Variants in EFHC1 observed in about 807,000 individuals in gnomAD.
EFHC1 encodes the protein EF-hand domain-containing protein 1.
EFHC1 carries 53 observed loss-of-function variants against 69.9 expected under a neutral mutation model. The ratio of observed to expected loss-of-function variants is 0.76; its 90% CI spans 0.61 to 0.95. EFHC1 has a LOEUF of 0.95. Among genes scored for constraint, EFHC1 ranks in the 40% least tolerant of loss-of-function variants. EFHC1 has a pLI of 0.00. For missense variants in EFHC1, 739 were observed against 798.7 expected (o/e 0.93, Z 0.90); for synonymous variants, 256 against 278.4 (o/e 0.92, Z 0.80).
intron 3 of EFHC1, among the ~76,000 whole-genome samples, chr6:52,446,821 G>A (rs1764797919): frequency 6.6e-6 from 1 of 152,160 alleles, no homozygotes; most frequent in South Asian, 2.1e-4. Context: ...CACTTATGAA[G>A]CTTAGTTTGG....
Position 52,454,165 on chromosome 6 carries a change from A to G in EFHC1, c.794A>G (p.His265Arg). ...MYGECRTYIIHYYLMDDTVEI... is the reference protein window; with the variant it reads ...MYGECRTYIIRYYLMDDTVEI... The stretch of plus-strand genomic sequence containing the variant: ...GGTGAATGTCGGACCTACATCATTC[A>G]TTACTATCTTATGGATGATACGGTG... Residue 265 changes from histidine (H) to arginine (R), a missense_variant, in exon 5 of 11, where the codon CAT (histidine) becomes CGT (arginine). Physicochemically the swap from His to Arg is conservative, Grantham distance 29. Coordinates refer to ENST00000371068, the MANE Select transcript of EFHC1 (RefSeq NM_018100.4). The G allele has an allele frequency of 1.2e-6, 2 of 1,614,140 alleles. No individual in the cohort carries two copies. The highest frequency in any genetic ancestry group is 1.7e-6 in the Non-Finnish European group (2 of 1,180,020).
At chr6:52,466,068 T>A (rs539299325) in intron 6 of EFHC1, among the ~76,000 whole-genome samples, 2 of 151,980 alleles carry the variant, frequency 1.3e-5, no homozygotes, top group African/African-American at 4.8e-5. Context: ...TGTGAGGAGA[T>A]TGACAAAATA....
At chr6:52,459,355 G>A (rs1033526722) in intron 5 of EFHC1, among the ~76,000 whole-genome samples, 1 of 152,132 alleles carries the variant, frequency 6.6e-6, no homozygotes, top group Non-Finnish European at 1.5e-5. Context: ...ATATAAAGTG[G>A]CTCTTAAAAC....
intron 3 of EFHC1, among the ~76,000 whole-genome samples, chr6:52,451,846 A>G (rs1186090223): frequency 1.3e-5 from 2 of 152,132 alleles, no homozygotes; most frequent in Non-Finnish European, 2.9e-5. Context: ...ACCAGTGGGT[A>G]TGCTTTCTTT....
At chr6:52,448,841 A>G (rs899819555) in intron 3 of EFHC1, among the ~76,000 whole-genome samples, 2 of 152,208 alleles carry the variant, frequency 1.3e-5, no homozygotes, top group Non-Finnish European at 2.9e-5. Context: ...ATGTTGAACC[A>G]ACTTTGCATG....
In EFHC1 at chr6:52,457,008, G is replaced by C. The variant is rs148841097; in HGVS notation, c.916+2721G>C. On this transcript the variant is annotated intron_variant, in intron 5 of 10. Coordinates refer to ENST00000371068, the MANE Select transcript of EFHC1 (RefSeq NM_018100.4). ...TTTAACTAGAAGGGTAGTGTTAAAAGAATGATGTCTAATTGACTCTCAAAG... is the reference window on the plus strand; with the variant it reads ...TTTAACTAGAAGGGTAGTGTTAAAACAATGATGTCTAATTGACTCTCAAAG... Among the ~76,000 whole-genome samples, 9 of 152,332 alleles carry C rather than the reference G, an allele frequency of 5.9e-5. No individual in the cohort carries two copies. In the East Asian group the frequency reaches 9.6e-4, roughly 16 times the overall value.
chr6:52,446,616 G>T (rs1449037374), intron 3 of EFHC1, among the ~76,000 whole-genome samples: 2 of 152,158 alleles, frequency 1.3e-5, no homozygotes, highest in East Asian at 3.8e-4. Flanking sequence ...ATGTTAGATG[G>T]TTATTTTGCT....
intron 7 of EFHC1, among the ~76,000 whole-genome samples, chr6:52,477,864 G>T (rs1264195941): frequency 6.6e-6 from 1 of 152,238 alleles, no homozygotes; most frequent in African/African-American, 2.4e-5. Flanking sequence ...GGAAGTCAGT[G>T]TGGTGATTCC....
At chr6:52,436,378 A>AT (rs371447241) in intron 2 of EFHC1, among the ~76,000 whole-genome samples, 5,804 of 144,284 alleles carry the variant, frequency 0.04, 148 homozygotes, top group Middle Eastern at 0.055. Flanking sequence ...TACGCTACCC[A>AT]TTTTTTTTTT....
At chr6:52,446,178 T>C (rs1764780152) in intron 3 of EFHC1, among the ~76,000 whole-genome samples, 1 of 152,202 alleles carries the variant, frequency 6.6e-6, no homozygotes, top group Non-Finnish European at 1.5e-5. Flanking sequence ...TCTCCCATTA[T>C]TATTGTATGG....
In EFHC1 at chr6:52,452,020, A is replaced by G. The variant is rs143827912; in HGVS notation, c.574-668A>G. ...GTTTGAAACCATGGTTAGGTTCCAG[A>G]TATATGAAAGTAAGCAATCCTAAGA... On this transcript the variant is annotated intron_variant, in intron 3 of 10. Transcript: ENST00000371068. Among the ~76,000 whole-genome samples the G allele has an allele frequency of 1.9e-3, 293 of 152,332 alleles. 3 individuals carry two copies. The highest frequency in any genetic ancestry group is 6.9e-3 in the African/African-American group (286 of 41,562).
Position 52,424,021 on chromosome 6 carries a change from A to G in EFHC1, c.139A>G (p.Ile47Val), listed in dbSNP as rs1764249771. The change falls in exon 2 of 11, where the codon ATA becomes GTA. Residue 47 changes from isoleucine (I) to valine (V), a missense_variant. Ile to Val is a conservative substitution (Grantham distance 29). Coordinates refer to ENST00000371068, the MANE Select transcript of EFHC1 (RefSeq NM_018100.4). ...YAIVRRPTVG[I>V]GGDRLQFNQL... ...AATTGTTCGACGTCCAACAGTTGGG[A>G]TAGGCGGAGACCGGCTCCAGTTCAA... 6.2e-7 allele frequency: 1 copy of G among 1,614,002 alleles called. No individual in the cohort carries two copies. The highest frequency in any genetic ancestry group is 1.7e-5 in the Admixed American group (1 of 59,992).
At chr6:52,421,316 A>T (rs1364904475) in intron 1 of EFHC1, among the ~76,000 whole-genome samples, 1 of 152,062 alleles carries the variant, frequency 6.6e-6, no homozygotes, top group Non-Finnish European at 1.5e-5. Flanking sequence ...TTTTATTCTA[A>T]CGTTTTTGTA....
chr6:52,449,968 T>C (rs1764879778), intron 3 of EFHC1, among the ~76,000 whole-genome samples: 1 of 142,286 alleles, frequency 7.0e-6, no homozygotes, highest in Non-Finnish European at 1.6e-5. Context: ...GTCTTAATAC[T>C]GCCTTAGCTG....
rs1218458712 is a variant in EFHC1 at position 52,496,567 on chromosome 6, A to ATAAG, written c.*4228_*4231dup. 6.6e-6 allele frequency: 1 copy of ATAAG among 152,218 alleles called. No homozygotes were observed. The highest frequency in any genetic ancestry group is 1.5e-5 in the Non-Finnish European group (1 of 68,040). 9.4% of individuals were successfully genotyped at this position (152,218 alleles called of 1,614,324 possible). On this transcript the variant is annotated 3_prime_UTR_variant, in exon 11 of 11. Coordinates refer to ENST00000371068, the MANE Select transcript of EFHC1 (RefSeq NM_018100.4). ...TGACTCCTGAGTATCCTGCTGGCACATAAGTTCATTTTAAAAAGCCAATAT... is the reference window on the plus strand; with the variant it reads ...TGACTCCTGAGTATCCTGCTGGCACATAAGTAAGTTCATTTTAAAAAGCCAATAT...
intron 6 of EFHC1, among the ~76,000 whole-genome samples, chr6:52,467,953 G>C (rs2114010944): frequency 6.6e-6 from 1 of 152,302 alleles, no homozygotes; most frequent in African/African-American, 2.4e-5. Context: ...AATAAAGCTA[G>C]AGCCAAGCCA....
chr6:52,471,588 G>A (rs890427702), intron 7 of EFHC1, among the ~76,000 whole-genome samples: 6 of 152,104 alleles, frequency 3.9e-5, no homozygotes, highest in East Asian at 1.9e-4. Context: ...AACTTAAGCC[G>A]GGAGCAGTGG....
chr6:52,483,027 T>A, intron 9 of EFHC1: 1 of 394,896 alleles, frequency 2.5e-6, no homozygotes, highest in Non-Finnish European at 4.5e-6. Context: ...CACACTTTAC[T>A]GTCTGCGTGA....
chr6:52,459,698 G>A (rs2104333), intron 5 of EFHC1, among the ~76,000 whole-genome samples: 1 of 151,538 alleles, frequency 6.6e-6, no homozygotes, highest in East Asian at 1.9e-4. Flanking sequence ...TTTTTGAGAC[G>A]GAGTCTCGCT....
Sources: gnomAD v4.1 joint callset for allele counts (sites outside exome capture counted in the v4.1 genomes callset) on GRCh38, gnomAD v4.1.1 for gene constraint, MANE v1.5 for transcripts, NCBI Gene and HGNC (gene_info 2026-07-23, HGNC 2026-07-21) for gene names.